CSMD1: variants seen among roughly 807,000 people sequenced by gnomAD.
CSMD1 encodes CUB and Sushi multiple domains 1.
A neutral mutation model predicts 417.5 loss-of-function variants in CSMD1; 213 were observed. The ratio of observed to expected loss-of-function variants is 0.51; its 90% CI spans 0.46 to 0.57. The LOEUF is 0.57. Among genes scored for constraint, CSMD1 ranks in the 20% least tolerant of loss-of-function variants. The probability of loss-of-function intolerance (pLI) is 0.00; values close to 1 mark genes in which losing one functional copy is unlikely to be tolerated. For missense variants in CSMD1, 6,923 were observed against 4,529.7 expected (o/e 1.53, Z -15.17); for synonymous variants, 2,862 against 1,736.8 (o/e 1.65, Z -16.11).
intron 1 of CSMD1, among the ~76,000 whole-genome samples, chr8:4,810,646 G>C (rs889881176): frequency 1.3e-5 from 2 of 152,060 alleles, no homozygotes; most frequent in Non-Finnish European, 2.9e-5. Flanking sequence ...ATATGATTTT[G>C]TATTACATAG....
At chr8:4,848,542 C>CT (rs34950037) in intron 1 of CSMD1, among the ~76,000 whole-genome samples, 1,702 of 144,690 alleles carry the variant, frequency 0.012, 19 homozygotes, top group African/African-American at 0.023. Context: ...GTACATAATG[C>CT]TTTTTTTTTT....
intron 8 of CSMD1, among the ~76,000 whole-genome samples, chr8:3,600,617 G>A (rs1374730428): frequency 1.3e-5 from 2 of 152,112 alleles, no homozygotes; most frequent in African/African-American, 2.4e-5. Flanking sequence ...ATTATTGCTG[G>A]TGGCAGTGGA....
intron 4 of CSMD1, among the ~76,000 whole-genome samples, chr8:4,029,755 C>T (rs1797246272): frequency 6.6e-6 from 1 of 152,258 alleles, no homozygotes; most frequent in Non-Finnish European, 1.5e-5. Flanking sequence ...CTCGAAATTC[C>T]ACCTTCCGAA....
intron 7 of CSMD1, among the ~76,000 whole-genome samples, chr8:3,621,723 G>T (rs540654990): frequency 6.6e-6 from 1 of 151,790 alleles, no homozygotes; most frequent in South Asian, 2.1e-4. Flanking sequence ...GCAACTACAG[G>T]TGCATGCCAC....
intron 33 of CSMD1, among the ~76,000 whole-genome samples, chr8:3,191,352 A>T (rs1045893418): frequency 6.6e-6 from 1 of 152,180 alleles, no homozygotes; most frequent in African/African-American, 2.4e-5. Context: ...GCTGCTCGGG[A>T]GTCTGAGGCA....
intron 3 of CSMD1, among the ~76,000 whole-genome samples, chr8:4,087,354 G>A (rs555083575): frequency 2.0e-5 from 3 of 152,256 alleles, no homozygotes; most frequent in African/African-American, 7.2e-5. Flanking sequence ...TTGCAAGTCT[G>A]AATTTGCTTC....
intron 3 of CSMD1, among the ~76,000 whole-genome samples, chr8:4,375,257 G>A (rs189571608): frequency 6.6e-6 from 1 of 152,052 alleles, no homozygotes; most frequent in African/African-American, 2.4e-5. Context: ...ACATGCAGTT[G>A]TCCATAAACA....
chr8:3,799,105 T>C (rs971427036), intron 5 of CSMD1, among the ~76,000 whole-genome samples: 1 of 152,130 alleles, frequency 6.6e-6, no homozygotes, highest in Non-Finnish European at 1.5e-5. Context: ...TTTATTATCC[T>C]CAATTTGCTA....
intron 5 of CSMD1, among the ~76,000 whole-genome samples, chr8:3,903,810 C>A (rs908321528): frequency 1.3e-5 from 2 of 152,092 alleles, no homozygotes; most frequent in Non-Finnish European, 2.9e-5. Flanking sequence ...TTCCATGGGT[C>A]ATGTTTTCTT....
intron 2 of CSMD1, among the ~76,000 whole-genome samples, chr8:4,567,753 A>T (rs1798685132): frequency 1.3e-5 from 2 of 152,174 alleles, no homozygotes; most frequent in African/African-American, 4.8e-5. Context: ...CATTGCACTT[A>T]TATTAAACTA....
chr8:3,349,200 C>T (rs1057373214), intron 21 of CSMD1, among the ~76,000 whole-genome samples: 1 of 152,166 alleles, frequency 6.6e-6, no homozygotes, highest in Non-Finnish European at 1.5e-5. Context: ...CACAGTATTC[C>T]TTTTCCACTG....
At chr8:4,066,158 A>G (rs909401518) in intron 3 of CSMD1, among the ~76,000 whole-genome samples, 1 of 152,170 alleles carries the variant, frequency 6.6e-6, no homozygotes, top group Non-Finnish European at 1.5e-5. Flanking sequence ...AGACTCACCC[A>G]TTATTTCTAA....
At chr8:3,917,491 T>G (rs2129142312) in intron 5 of CSMD1, among the ~76,000 whole-genome samples, 1 of 152,256 alleles carries the variant, frequency 6.6e-6, no homozygotes, top group East Asian at 1.9e-4. Context: ...AAAGTTTTGT[T>G]AAAAGATAAA....
At chr8:3,741,495 A>G (rs146404743) in intron 6 of CSMD1, among the ~76,000 whole-genome samples, 3 of 152,372 alleles carry the variant, frequency 2.0e-5, no homozygotes, top group African/African-American at 4.8e-5. Flanking sequence ...AGTAAAATGT[A>G]CTTCCCATTT....
intron 4 of CSMD1, among the ~76,000 whole-genome samples, chr8:4,010,484 C>G (rs1244431710): frequency 6.6e-6 from 1 of 152,150 alleles, no homozygotes; most frequent in Non-Finnish European, 1.5e-5. Flanking sequence ...TCTCCCCTCT[C>G]TTCCAACAGC....
At chr8:3,713,299 T>G (rs1450692120) in intron 6 of CSMD1, among the ~76,000 whole-genome samples, 1 of 152,220 alleles carries the variant, frequency 6.6e-6, no homozygotes, top group Non-Finnish European at 1.5e-5. Flanking sequence ...TGTAGGTTGT[T>G]TGAAAATGTG....
chr8:3,110,008 C>A, intron 43 of CSMD1, 150 bp downstream of exon 43: 1 of 665,092 alleles, frequency 1.5e-6, no homozygotes, highest in Non-Finnish European at 2.5e-6. Flanking sequence ...AAATTGATTC[C>A]CTATATCTCT....
At chr8:2,948,155 G>A (rs1802381269) in intron 68 of CSMD1, among the ~76,000 whole-genome samples, 1 of 152,000 alleles carries the variant, frequency 6.6e-6, no homozygotes, top group Non-Finnish European at 1.5e-5. Flanking sequence ...TGCCAAGGTT[G>A]TTACAAAAAT....
At chr8:3,413,428 G>A (rs1478014509) in intron 12 of CSMD1, among the ~76,000 whole-genome samples, 2 of 152,208 alleles carry the variant, frequency 1.3e-5, no homozygotes, top group African/African-American at 2.4e-5. Flanking sequence ...CCTGATGCAT[G>A]GCTACGGCTG....
Sources: allele counts gnomAD v4.1 joint callset (sites outside exome capture counted in the v4.1 genomes callset), GRCh38; gene constraint gnomAD v4.1.1; transcripts MANE v1.5; gene names NCBI Gene and HGNC (gene_info 2026-07-23, HGNC 2026-07-21).